The following TGFB2 variants were observed in gnomAD, a reference collection of about 807,000 sequenced individuals.
TGFB2 encodes transforming growth factor beta-2 proprotein.
Under a neutral mutation model 42.7 loss-of-function variants are expected in TGFB2, and 13 were observed. The observed-to-expected ratio is 0.30, with a 90% CI of 0.20 to 0.48. The LOEUF (loss-of-function observed/expected upper bound fraction) is 0.48. Among genes scored for constraint, TGFB2 ranks in the 20% least tolerant of loss-of-function variants. The pLI is 0.99. For synonymous variants in TGFB2, 193 were observed against 193.6 expected (o/e 1.00, Z 0.03); for missense variants, 390 against 517.5 (o/e 0.75, Z 2.39).
At chr1:218,407,279 T>G (rs1380107907) in intron 2 of TGFB2, among the ~76,000 whole-genome samples, 1 of 152,150 alleles carries the variant, frequency 6.6e-6, no homozygotes, top group Non-Finnish European at 1.5e-5. Flanking sequence ...AGTTCTCGCT[T>G]TGTTGCCAAG....
At chr1:218,358,698 C>T (rs1657116854) in intron 1 of TGFB2, among the ~76,000 whole-genome samples, 1 of 151,938 alleles carries the variant, frequency 6.6e-6, no homozygotes, top group East Asian at 1.9e-4. Flanking sequence ...ACAGGCACCC[C>T]CCACCATGCC....
chr1:218,393,071 T>C (rs555236306), intron 1 of TGFB2, among the ~76,000 whole-genome samples: 1 of 152,358 alleles, frequency 6.6e-6, no homozygotes, highest in East Asian at 1.9e-4. Context: ...ATCACTGCTA[T>C]AATTTTGAAA....
chr1:218,369,506 A>G (rs924428832), intron 1 of TGFB2, among the ~76,000 whole-genome samples: 1 of 152,096 alleles, frequency 6.6e-6, no homozygotes, highest in Non-Finnish European at 1.5e-5. Context: ...TTTTTAGTTA[A>G]TAGTCCTTAG....
intron 2 of TGFB2, among the ~76,000 whole-genome samples, chr1:218,407,176 C>G (rs1658941845): frequency 6.6e-6 from 1 of 152,174 alleles, no homozygotes; most frequent in Non-Finnish European, 1.5e-5. Flanking sequence ...TAGCTCACTG[C>G]ACCCTCAACT....
chr1:218,350,437 T>C (rs1322485656), intron 1 of TGFB2, among the ~76,000 whole-genome samples: 1 of 152,216 alleles, frequency 6.6e-6, no homozygotes, highest in Admixed American at 6.5e-5. Flanking sequence ...CTATAATGCA[T>C]AGGGCAACCC....
chr1:218,365,903 G>T (rs913295722), intron 1 of TGFB2, among the ~76,000 whole-genome samples: 5 of 152,164 alleles, frequency 3.3e-5, no homozygotes, highest in Non-Finnish European at 2.9e-5. Context: ...TGAGCGTGAG[G>T]CCTGTGGCGC....
At chr1:218,351,963 C>T (rs559884354) in intron 1 of TGFB2, among the ~76,000 whole-genome samples, 3 of 152,292 alleles carry the variant, frequency 2.0e-5, no homozygotes, top group African/African-American at 7.2e-5. Context: ...ACTTGTAGGC[C>T]TTCGCCCAGA....
At chr1:218,385,718 A>T (rs1004254580) in intron 1 of TGFB2, among the ~76,000 whole-genome samples, 12 of 152,218 alleles carry the variant, frequency 7.9e-5, no homozygotes, top group African/African-American at 2.9e-4. Flanking sequence ...TAGGCTTTTC[A>T]TAAGCTCAGT....
chr1:218,419,930 CTTTA>C (rs1445920302), intron 2 of TGFB2, among the ~76,000 whole-genome samples: 2 of 152,090 alleles, frequency 1.3e-5, no homozygotes, highest in African/African-American at 2.4e-5. Context: ...AAAACAAGCT[CTTTA>C]TTTATTTATT....
chr1:218,426,985 G>A (rs1345679610), intron 2 of TGFB2, among the ~76,000 whole-genome samples: 1 of 152,078 alleles, frequency 6.6e-6, no homozygotes, highest in Non-Finnish European at 1.5e-5. Flanking sequence ...TTTTTCTGAA[G>A]TAGAGATGTT....
intron 2 of TGFB2, among the ~76,000 whole-genome samples, chr1:218,422,591 G>C (rs1246718517): frequency 6.6e-6 from 1 of 151,992 alleles, no homozygotes. Flanking sequence ...TGGTTTTTTG[G>C]ATGTTCATAG....
intron 1 of TGFB2, among the ~76,000 whole-genome samples, chr1:218,349,624 G>A (rs1303501606): frequency 6.6e-6 from 1 of 152,168 alleles, no homozygotes; most frequent in African/African-American, 2.4e-5. Context: ...TTACAAATAT[G>A]CTCTAATTAT....
chr1:218,397,128 C>T (rs13375381), intron 1 of TGFB2, among the ~76,000 whole-genome samples: 1 of 151,484 alleles, frequency 6.6e-6, no homozygotes, highest in African/African-American at 2.4e-5. Flanking sequence ...ATTAGCCAGG[C>T]GTGGTGGCAG....
intron 1 of TGFB2, among the ~76,000 whole-genome samples, chr1:218,392,411 G>A (rs1658345632): frequency 6.6e-6 from 1 of 152,186 alleles, no homozygotes. Flanking sequence ...GGATCGAGTG[G>A]AAAGGGAATA....
In TGFB2 at chr1:218,388,330, C is replaced by T. The variant is rs186146245; in HGVS notation, c.347-16839C>T. 3.6e-3 allele frequency among the ~76,000 whole-genome samples: 553 copies of T among 152,290 alleles called. 4 individuals are homozygous for T. Among genetic ancestry groups the T allele is most frequent in the African/African-American group, 0.012 (516 of 41,576 alleles). On this transcript the variant is annotated intron_variant, in intron 1 of 6. Coordinates refer to ENST00000366930, the MANE Select transcript of TGFB2 (RefSeq NM_003238.6). The stretch of plus-strand genomic sequence containing the variant: ...GAGGGAAGAGAGGTCACAGTTGGCC[C>T]CCCCACATCCAGAGGGAAATTTTAA...
intron 2 of TGFB2, among the ~76,000 whole-genome samples, chr1:218,431,052 CTT>C (rs572425962): frequency 6.6e-6 from 1 of 152,198 alleles, no homozygotes; most frequent in South Asian, 2.1e-4. Flanking sequence ...GTTAAGAACT[CTT>C]TGGCCATGAA....
Position 218,434,152 on chromosome 1 carries a change from C to T in TGFB2, c.581C>T (p.Ala194Val). ...GACAGCAAAGTTGTGAAAACAAGAGCAGAAGGCGAATGGCTCTCCTTCGAT... is the reference window on the plus strand; with the variant it reads ...GACAGCAAAGTTGTGAAAACAAGAGTAGAAGGCGAATGGCTCTCCTTCGAT... ...YIDSKVVKTR[A>V]EGEWLSFDVT... Residue 194 changes from alanine to valine, a missense_variant, in exon 3 of 7, where the codon GCA becomes GTA. Transcript: ENST00000366930. The T allele has an allele frequency of 6.2e-7, 1 of 1,614,202 alleles. No homozygotes were observed. Among genetic ancestry groups the T allele is most frequent in the Non-Finnish European group, 8.5e-7 (1 of 1,180,022 alleles).
chr1:218,395,324 T>C (rs1205487775), intron 1 of TGFB2, among the ~76,000 whole-genome samples: 1 of 152,222 alleles, frequency 6.6e-6, no homozygotes, highest in Non-Finnish European at 1.5e-5. Context: ...GAAAATACTA[T>C]GGCCTTGCAT....
chr1:218,364,653 G>T (rs1362176193), intron 1 of TGFB2, among the ~76,000 whole-genome samples: 2 of 152,140 alleles, frequency 1.3e-5, no homozygotes, highest in Non-Finnish European at 2.9e-5. Context: ...TAGGTCACTG[G>T]ATACCCTATT....
Sources: allele counts gnomAD v4.1 joint callset (sites outside exome capture counted in the v4.1 genomes callset), GRCh38; gene constraint gnomAD v4.1.1; transcripts MANE v1.5; gene names NCBI Gene and HGNC (gene_info 2026-07-23, HGNC 2026-07-21).